The following CTNNA1 variants were observed in gnomAD, a reference collection of about 807,000 sequenced individuals.
The protein encoded by CTNNA1 is catenin alpha 1.
CTNNA1 carries 37 observed loss-of-function variants against 98.4 expected under a neutral mutation model. The observed-to-expected ratio is 0.38, with a 90% CI of 0.29 to 0.49. The LOEUF is 0.49. Among genes scored for constraint, CTNNA1 ranks in the 20% least tolerant of loss-of-function variants. The pLI is 0.95. For missense variants in CTNNA1, 761 were observed against 1,147.2 expected, an observed-to-expected ratio of 0.66 and a Z score of 4.86; for synonymous variants, 404 against 413.2, an observed-to-expected ratio of 0.98 and a Z score of 0.27.
At chr5:138,778,337 G>A (rs80339540) in intron 1 of CTNNA1, among the ~76,000 whole-genome samples, 21 of 152,178 alleles carry the variant, frequency 1.4e-4, no homozygotes, top group Admixed American at 5.9e-4. Flanking sequence ...TTTGTAGATC[G>A]TCTCACGCTT....
chr5:138,933,259 C>T (rs997448182), intron 17 of CTNNA1, among the ~76,000 whole-genome samples: 19 of 152,178 alleles, frequency 1.2e-4, no homozygotes, highest in African/African-American at 3.9e-4. Context: ...GGTAGCGTCT[C>T]TTTCTTTTTA....
chr5:138,796,081 C>G (rs1430399501), intron 3 of CTNNA1, among the ~76,000 whole-genome samples: 1 of 152,110 alleles, frequency 6.6e-6, no homozygotes, highest in African/African-American at 2.4e-5. Flanking sequence ...TGGCTGAACA[C>G]TATCCTCTAG....
In CTNNA1 at chr5:138,771,220, T is replaced by G. The variant is rs188945819; in HGVS notation, c.-2-10703T>G. ...TAAATGGTTGGCTGAATTTTTTTTT[T>G]TTGTTTACTTTTTGTCCTTTGATGA... On this transcript the variant is annotated intron_variant, in intron 1 of 17. Coordinates refer to ENST00000302763, the MANE Select transcript of CTNNA1 (RefSeq NM_001903.5). 1.8e-4 allele frequency among the ~76,000 whole-genome samples: 28 copies of G among 152,084 alleles called. No homozygotes were observed. In the East Asian group the frequency reaches 3.7e-3, roughly 20 times the overall value.
At chr5:138,933,024 C>G in intron 17 of CTNNA1, 1 of 762,278 alleles carries the variant, frequency 1.3e-6, no homozygotes, top group East Asian at 2.4e-5. Context: ...GTCCCAGCTA[C>G]TTGGGAGGCT....
rs189054490 is a variant in CTNNA1 at position 138,912,857 on chromosome 5, C to T, written c.1390-4885C>T. Among the ~76,000 whole-genome samples the T allele has an allele frequency of 6.2e-3, 947 of 152,270 alleles. 10 individuals carry two copies. The highest frequency in any genetic ancestry group is 8.4e-3 in the Non-Finnish European group (573 of 68,012). On this transcript the variant is annotated intron_variant, in intron 10 of 17. Transcript: ENST00000302763. ...GTCCATTCCTGTCCCTGTTTTTCTA[C>T]TGCTGTTTTGGTGTTTTCCTTATTG...
At chr5:138,898,691 C>T (rs1361975946) in intron 9 of CTNNA1, among the ~76,000 whole-genome samples, 2 of 152,028 alleles carry the variant, frequency 1.3e-5, no homozygotes, top group African/African-American at 4.8e-5. Context: ...AATTTGTCTT[C>T]CCAAGTCTGA....
At chr5:138,817,864 A>C (rs1759590634) in intron 5 of CTNNA1, among the ~76,000 whole-genome samples, 2 of 151,880 alleles carry the variant, frequency 1.3e-5, no homozygotes, top group South Asian at 2.1e-4. Context: ...TATCTCTTTG[A>C]GGTTCCTTAA....
chr5:138,824,601 C>T lies in CTNNA1; in HGVS notation c.660C>T (p.Ile220=). 6.2e-7 allele frequency: 1 copy of T among 1,614,212 alleles called. No individual in the cohort carries two copies. Among genetic ancestry groups the T allele is most frequent in the South Asian group, 1.1e-5 (1 of 91,084 alleles). ...GAATCCTGCAGAAGAACGTTCCGAT[C>T]CTCTATACTGCATCCCAGGCATGCC... ...ARGILQKNVP[I]LYTASQACLQ... Residue 220 remains isoleucine (I), a synonymous_variant, in exon 6 of 18, where the codon ATC becomes ATT. Coordinates refer to ENST00000302763, the MANE Select transcript of CTNNA1 (RefSeq NM_001903.5).
intron 3 of CTNNA1, among the ~76,000 whole-genome samples, chr5:138,803,199 G>A (rs1757751553): frequency 2.0e-5 from 3 of 150,012 alleles, no homozygotes; most frequent in South Asian, 2.1e-4. Flanking sequence ...TCACCCATGC[G>A]CTGGAGTGCA....
chr5:138,901,914 C>G (rs1394134304), intron 9 of CTNNA1, among the ~76,000 whole-genome samples: 1 of 152,130 alleles, frequency 6.6e-6, no homozygotes, highest in Non-Finnish European at 1.5e-5. Context: ...GCACATTTGT[C>G]ATTGTTAGAA....
intron 7 of CTNNA1, among the ~76,000 whole-genome samples, chr5:138,882,859 C>T (rs774026980): frequency 1.3e-5 from 2 of 152,172 alleles, no homozygotes; most frequent in Non-Finnish European, 2.9e-5. Flanking sequence ...GACGGAGTCT[C>T]GCTTTGTCAC....
intron 3 of CTNNA1, among the ~76,000 whole-genome samples, chr5:138,788,740 A>G (rs1461200129): frequency 6.6e-6 from 1 of 152,232 alleles, no homozygotes. Context: ...GAGAAGACCT[A>G]AATGAAGCTT....
intron 7 of CTNNA1, among the ~76,000 whole-genome samples, chr5:138,840,479 G>GA (rs1312194033): frequency 6.6e-6 from 1 of 152,150 alleles, no homozygotes; most frequent in Non-Finnish European, 1.5e-5. Context: ...TGTTTTTAGG[G>GA]AAAAATATAA....
intron 16 of CTNNA1, 136 bp from the exon 17 acceptor site, chr5:138,932,442 G>C (rs903833919): frequency 4.1e-6 from 6 of 1,465,404 alleles, no homozygotes; most frequent in Non-Finnish European, 4.5e-6. Context: ...ACTGCCTCAG[G>C]TAATTGGGTG....
intron 6 of CTNNA1, 61 bp from the exon 7 acceptor site, chr5:138,827,454 C>T (rs1760836651): frequency 1.9e-6 from 3 of 1,567,486 alleles, no homozygotes; most frequent in African/African-American, 1.4e-5. Context: ...ACACTTTTCT[C>T]ACCTTGAATA....
intron 7 of CTNNA1, among the ~76,000 whole-genome samples, chr5:138,840,868 A>G (rs765350566): frequency 5.3e-5 from 8 of 152,190 alleles, no homozygotes; most frequent in South Asian, 4.2e-4. Context: ...CATAATGTTT[A>G]TTTATTTATT....
In CTNNA1 at chr5:138,753,434, G is replaced by T. The variant is rs1751213366; in HGVS notation, c.-79G>T. ...TGGGGCGGCCCATTTCCTCCTCCTA[G>T]CCGGACTGGAGGGAGACAAAGCAGC... On this transcript the variant is annotated 5_prime_UTR_variant, in exon 1 of 18. Coordinates refer to ENST00000302763, the MANE Select transcript of CTNNA1 (RefSeq NM_001903.5). The T allele has an allele frequency of 1.6e-5, 6 of 373,046 alleles. No homozygotes were observed. The highest frequency in any genetic ancestry group is 2.1e-5 in the African/African-American group (1 of 47,226). The allele number at this position is 373,046 out of a possible 1,614,324, so 23.1% of individuals were successfully genotyped here.
chr5:138,840,949 A>T (rs1762218164), intron 7 of CTNNA1, among the ~76,000 whole-genome samples: 1 of 151,982 alleles, frequency 6.6e-6, no homozygotes, highest in South Asian at 2.1e-4. Context: ...GCTTTTCATG[A>T]TGGGTAGTTC....
intron 7 of CTNNA1, chr5:138,881,235 G>T: frequency 2.5e-6 from 1 of 392,340 alleles, no homozygotes; most frequent in South Asian, 1.8e-5. Flanking sequence ...TAAGAAGAGG[G>T]CATTCTTTGA....
Sources: gnomAD v4.1 joint callset for allele counts (sites outside exome capture counted in the v4.1 genomes callset) on GRCh38, gnomAD v4.1.1 for gene constraint, MANE v1.5 for transcripts, NCBI Gene and HGNC (gene_info 2026-07-23, HGNC 2026-07-21) for gene names.